AURKB: variants seen among roughly 807,000 people sequenced by gnomAD.
The protein encoded by AURKB is aurora kinase B-Sv1.
In AURKB, 28 loss-of-function variants were observed where a neutral mutation model predicts 36.5. That is an observed-to-expected ratio of 0.77 (90% CI 0.57 to 1.05). The LOEUF (loss-of-function observed/expected upper bound fraction) is 1.05, where lower values mean the gene tolerates loss of function less well. AURKB is among the 50% of genes least tolerant of loss of function. AURKB has a pLI of 0.00. For synonymous variants in AURKB, 175 were observed against 172.9 expected, an observed-to-expected ratio of 1.01 and a Z score of -0.09; for missense variants, 383 against 447.4, an observed-to-expected ratio of 0.86 and a Z score of 1.30.
rs758885283 is a variant in AURKB, at chr17:8,207,785, G to C, written c.104C>G (p.Thr35Ser). 1 of 1,614,188 alleles carries C rather than the reference G, an allele frequency of 6.2e-7. No homozygotes were observed. The highest frequency in any genetic ancestry group is 8.5e-7 in the Non-Finnish European group (1 of 1,180,030). The part of the protein sequence containing the change: ...PQRVLRKEPV[T>S]PSALVLMSRS... ...GCTCATGAGGACAAGTGCAGATGGGGTGACAGGCTCTTTCCGGAGGACTCG... is the reference window on the plus strand; with the variant it reads ...GCTCATGAGGACAAGTGCAGATGGGCTGACAGGCTCTTTCCGGAGGACTCG... The change falls in exon 3 of 9, where the codon ACC becomes AGC. Residue 35 changes from threonine (T) to serine (S), a missense_variant. Coordinates refer to ENST00000585124, the MANE Select transcript of AURKB (RefSeq NM_004217.4).
chr17:8,206,654 G>C lies in AURKB; in HGVS notation c.538-15C>G. The C allele has an allele frequency of 6.2e-7, 1 of 1,614,096 alleles. No homozygotes were observed. The highest frequency in any genetic ancestry group is 1.1e-5 in the South Asian group (1 of 91,078). Reference sequence around the variant, plus strand: ...TCCTCCATGATCTGGGAGGGGCAACGACAGGCAATCAGACAAGGATGGACC... The same window carrying C: ...TCCTCCATGATCTGGGAGGGGCAACCACAGGCAATCAGACAAGGATGGACC... On this transcript the variant is annotated splice_polypyrimidine_tract_variant and intron_variant, in intron 6 of 8. Transcript: ENST00000585124. The surrounding 1 kb of genome is among the most constrained non-coding windows in gnomAD (Gnocchi z 4.2).
chr17:8,210,196 CA>C lies in AURKB; in HGVS notation c.28del (p.Trp10GlyfsTer12). MAQKENSYP[W>X]PYGRQTAPSG... ...CCTTACCGTCTGTCGGCCGTAGGGC[CA>C]GGGGTAGGAGTTCTCCTTCTGGGCC... On this transcript the variant is annotated frameshift_variant, in exon 2 of 9. Transcript: ENST00000585124. LOFTEE classifies it high-confidence loss of function. 1 of 1,611,752 alleles carries C rather than the reference CA, an allele frequency of 6.2e-7. No homozygotes were observed. The highest frequency in any genetic ancestry group is 2.2e-5 in the East Asian group (1 of 44,826).
Position 8,209,201 on chromosome 17 carries a change from C to T in AURKB, c.48+976G>A, listed in dbSNP as rs1214224895. Among the ~76,000 whole-genome samples the T allele has an allele frequency of 7.2e-5, 11 of 152,204 alleles. No homozygotes were observed. In the East Asian group the frequency reaches 1.2e-3, roughly 16 times the overall value. ...CTAATTTTTGTATTTTTAGTAGAGACGGGGTTTTACCATGTTGGCCAGGCT... is the reference window on the plus strand; with the variant it reads ...CTAATTTTTGTATTTTTAGTAGAGATGGGGTTTTACCATGTTGGCCAGGCT... On this transcript the variant is annotated intron_variant, in intron 2 of 8. Transcript: ENST00000585124.
In AURKB at chr17:8,205,376, CA is replaced by C; in HGVS notation, c.700del (p.Cys234ValfsTer11). Reference protein sequence around the residue: ...HAPSLRRKTMCGTLDYLPPEM... With the variant: ...HAPSLRRKTMXGTLDYLPPEM... ...TGGGGGCAGGTAGTCCAGGGTGCCA[CA>C]CATTGTCTTCCTCCTGGGAGGGATA... On this transcript the variant is annotated frameshift_variant, in exon 8 of 9. Coordinates refer to ENST00000585124, the MANE Select transcript of AURKB (RefSeq NM_004217.4). LOFTEE classifies it high-confidence loss of function. 1 of 1,614,092 alleles carries C rather than the reference CA, an allele frequency of 6.2e-7. No individual in the cohort carries two copies. The highest frequency in any genetic ancestry group is 2.2e-5 in the East Asian group (1 of 44,882).
chr17:8,205,021 G>A lies in AURKB; in HGVS notation c.885C>T (p.Ser295=), dbSNP rs2241909. The A allele has an allele frequency of 0.66, 1,042,214 of 1,588,274 alleles. 343,908 individuals carry two copies. The highest frequency in any genetic ancestry group is 0.71 in the South Asian group (63,691 of 89,594). Residue 295 remains serine (S), a synonymous_variant, in exon 9 of 9, where the codon TCC becomes TCT. Coordinates refer to ENST00000585124, the MANE Select transcript of AURKB (RefSeq NM_004217.4). ...IVKVDLKFPA[S]VPMGAQDLIS... is the part of the protein sequence containing the mutation. ...TGAGGTCCTGGGCTCCCATGGGCACGGAAGCGGGGAACTTTAGGTCCACCT... is the reference window on the plus strand; with the variant it reads ...TGAGGTCCTGGGCTCCCATGGGCACAGAAGCGGGGAACTTTAGGTCCACCT...
chr17:8,206,688 C>T lies in AURKB; in HGVS notation c.538-49G>A, dbSNP rs750507920. The T allele has an allele frequency of 1.2e-6, 2 of 1,613,608 alleles. No individual in the cohort carries two copies. Among genetic ancestry groups the T allele is most frequent in the Non-Finnish European group, 1.7e-6 (2 of 1,179,708 alleles). On this transcript the variant is annotated intron_variant, in intron 6 of 8. Coordinates refer to ENST00000585124, the MANE Select transcript of AURKB (RefSeq NM_004217.4). The surrounding 1 kb of genome is among the most constrained non-coding windows in gnomAD (Gnocchi z 4.2). ...TCAGACAAGGATGGACCTCCAGCTACAAGCAGCACACCCTCAGCCTCGAGC... is the reference window on the plus strand; with the variant it reads ...TCAGACAAGGATGGACCTCCAGCTATAAGCAGCACACCCTCAGCCTCGAGC...
chr17:8,210,110 CA>C (rs758988170), intron 2 of AURKB, 66 bp downstream of exon 2: 10 of 1,580,688 alleles, frequency 6.3e-6, no homozygotes, highest in Non-Finnish European at 8.7e-6. Context: ...TGCAGGATCT[CA>C]AGTTTCCCAG....
At chr17:8,210,377 A>G (rs1027236304) in intron 1 of AURKB, 128 bp from the exon 2 acceptor site, 26 of 701,786 alleles carry the variant, frequency 3.7e-5, no homozygotes, top group Non-Finnish European at 4.9e-5. Flanking sequence ...ACTAGCCCCA[A>G]TCTGGGCGCT....
intron 3 of AURKB, 48 bp downstream of exon 3, chr17:8,207,690 C>T (rs764225876): frequency 2.3e-5 from 37 of 1,613,614 alleles, no homozygotes; most frequent in Non-Finnish European, 3.0e-5. Context: ...AACCCTCCCA[C>T]AGACGGTCAT....
Position 8,206,455 on chromosome 17 carries a change from C to A in AURKB, c.686+36G>T. ...CCCTGGAGAGGTTTTAATGGCCCAG[C>A]CTCACACCCAGGTCTGGCCTCCCAG... On this transcript the variant is annotated intron_variant, in intron 7 of 8. Coordinates refer to ENST00000585124, the MANE Select transcript of AURKB (RefSeq NM_004217.4). This position sits in a 1 kb window ranked among gnomAD's most constrained non-coding sequence, Gnocchi z 4.2. 2 of 1,612,582 alleles carry A rather than the reference C, an allele frequency of 1.2e-6. No homozygotes were observed. The highest frequency in any genetic ancestry group is 1.7e-6 in the Non-Finnish European group (2 of 1,179,440).
At chr17:8,210,052 C>G in intron 2 of AURKB, 125 bp downstream of exon 2, 1 of 1,303,878 alleles carries the variant, frequency 7.7e-7, no homozygotes, top group South Asian at 1.3e-5. Context: ...ACTTGGGACC[C>G]GTACTTTGGA....
At chr17:8,207,482 C>T in intron 4 of AURKB, 89 bp downstream of exon 4, 2 of 1,566,508 alleles carry the variant, frequency 1.3e-6, no homozygotes, top group Non-Finnish European at 1.7e-6. Context: ...TTCATCCCTA[C>T]TCCTCCCGTG....
rs751644642 is a variant in AURKB, at chr17:8,206,760, C to T, written c.527G>A (p.Arg176Gln). Reference protein sequence around the residue: ...LQKSCTFDEQRTATIMEELAD... With the variant: ...LQKSCTFDEQQTATIMEELAD... ...CCCACCCGCCCGGACCGTGGCTGTT[C>T]GCTGCTCGTCAAATGTGCAGCTCTT... Residue 176 changes from arginine to glutamine, a missense_variant, in exon 6 of 9, where the codon CGA becomes CAA. Arg to Gln is a conservative substitution (Grantham distance 43). This residue lies in a region of AURKB where 219 missense variants were observed against 252.6 expected (regional missense o/e 0.87). Transcript: ENST00000585124. The surrounding 1 kb of genome is among the most constrained non-coding windows in gnomAD (Gnocchi z 4.2). The T allele has an allele frequency of 4.3e-5, 69 of 1,613,802 alleles. No homozygotes were observed. Among genetic ancestry groups the T allele is most frequent in the Non-Finnish European group, 5.2e-5 (61 of 1,179,864 alleles).
rs2151471387 is a variant in AURKB at position 8,206,778 on chromosome 17, C to T, written c.509G>A (p.Cys170Tyr). 1 of 1,614,166 alleles carries T rather than the reference C, an allele frequency of 6.2e-7. No individual in the cohort carries two copies. The highest frequency in any genetic ancestry group is 1.1e-5 in the South Asian group (1 of 91,078). ...GELYKELQKS[C>Y]TFDEQRTATI... ...GGCTGTTCGCTGCTCGTCAAATGTG[C>T]AGCTCTTCTGCAGCTCCTTGTAGAG... is the stretch of plus-strand genomic sequence containing the variant. The change falls in exon 6 of 9, where the codon TGC (cysteine) becomes TAC (tyrosine). Residue 170 changes from cysteine (C) to tyrosine (Y), a missense_variant. By Grantham distance (194) the Cys-to-Tyr change is radical. This residue lies in a region of AURKB where 219 missense variants were observed against 252.6 expected (regional missense o/e 0.87). Coordinates refer to ENST00000585124, the MANE Select transcript of AURKB (RefSeq NM_004217.4). The surrounding 1 kb of genome is among the most constrained non-coding windows in gnomAD (Gnocchi z 4.2).
At position 8,207,853 on chromosome 17, in the gene AURKB, AG is replaced by A; in HGVS notation, c.49-14del. 6.2e-7 allele frequency: 1 copy of A among 1,605,128 alleles called. No individual in the cohort carries two copies. Among genetic ancestry groups the A allele is most frequent in the East Asian group, 2.2e-5 (1 of 44,720 alleles). ...GGCCAGATGGAGCCTGAGAAGGAGC[AG>A]GGGGTAGCTCTGAGGGTGCCTTTGT... On this transcript the variant is annotated splice_polypyrimidine_tract_variant and intron_variant, in intron 2 of 8. Transcript: ENST00000585124.
At chr17:8,210,479 T>C (rs1985956352) in intron 1 of AURKB, 51 bp downstream of exon 1, 2 of 525,266 alleles carry the variant, frequency 3.8e-6, no homozygotes, top group Admixed American at 3.9e-5. Context: ...CTGATCTACC[T>C]GATCATCTGC....
intron 2 of AURKB, 124 bp downstream of exon 2, chr17:8,210,053 G>A (rs1597356823): frequency 3.0e-6 from 4 of 1,322,408 alleles, no homozygotes; most frequent in Middle Eastern, 2.3e-4. Flanking sequence ...CTTGGGACCC[G>A]TACTTTGGAG....
rs775971483 is a variant in AURKB at position 8,205,409 on chromosome 17, G to A, written c.687-19C>T. On this transcript the variant is annotated intron_variant, in intron 7 of 8. Coordinates refer to ENST00000585124, the MANE Select transcript of AURKB (RefSeq NM_004217.4). ...CTTCCTCCTGGGAGGGATAAGGGGCGTGGGCAGGGGTCCTAGTGACATAGG... is the reference window on the plus strand; with the variant it reads ...CTTCCTCCTGGGAGGGATAAGGGGCATGGGCAGGGGTCCTAGTGACATAGG... 1.5e-5 allele frequency: 24 copies of A among 1,611,946 alleles called. No individual in the cohort carries two copies. The highest frequency in any genetic ancestry group is 3.3e-4 in the Middle Eastern group (2 of 6,076).
At chr17:8,209,858 C>G in intron 2 of AURKB, 1 of 359,770 alleles carries the variant, frequency 2.8e-6, no homozygotes, top group Non-Finnish European at 5.0e-6. Context: ...TTTTTTTTTT[C>G]AGGATATGGA....
Sources: allele counts gnomAD v4.1 joint callset (sites outside exome capture counted in the v4.1 genomes callset), GRCh38; gene constraint gnomAD v4.1.1; regional missense constraint gnomAD v4.1.1; non-coding constraint Gnocchi (gnomAD v3.1); transcripts MANE v1.5; gene names NCBI Gene and HGNC (gene_info 2026-07-23, HGNC 2026-07-21).